The following ITIH1 variants were observed in gnomAD, a reference collection of about 807,000 sequenced individuals.
ITIH1 encodes the protein inter-alpha-trypsin inhibitor heavy chain 1.
ITIH1 carries 94 observed loss-of-function variants against 104.6 expected under a neutral mutation model. The observed-to-expected ratio is 0.90, with a 90% CI of 0.76 to 1.07. The LOEUF is 1.07. ITIH1 is among the 50% of genes least tolerant of loss of function. ITIH1 has a pLI of 0.00. For missense variants in ITIH1, 1,193 were observed against 1,181.4 expected (o/e 1.01, Z -0.14); for synonymous variants, 455 against 464.4 (o/e 0.98, Z 0.26).
intron 15 of ITIH1, 76 bp downstream of exon 15, chr3:52,787,278 T>C: frequency 6.3e-7 from 1 of 1,579,442 alleles, no homozygotes; most frequent in South Asian, 1.1e-5. Context: ...AGCCCCAGGC[T>C]CGCAGCTCCC....
At chr3:52,790,652 C>T (rs1238475162) in intron 19 of ITIH1, 97 bp from the exon 20 acceptor site, 5 of 1,214,676 alleles carry the variant, frequency 4.1e-6, no homozygotes, top group East Asian at 2.4e-5. Flanking sequence ...GGGGTGGGGG[C>T]GTGGTCATAA....
At position 52,791,819 on chromosome 3, in the gene ITIH1, G is replaced by A. The variant is rs1258980492; in HGVS notation, c.2644G>A (p.Gly882Arg). 6.2e-7 allele frequency: 1 copy of A among 1,614,174 alleles called. No homozygotes were observed. Among genetic ancestry groups the A allele is most frequent in the South Asian group, 1.1e-5 (1 of 91,080 alleles). ...QKDYSKDPWH[G>R]AEVSCWFIHN... Reference sequence around the variant, plus strand: ...AGACTACAGCAAGGACCCGTGGCATGGGGCCGAGGTGTCCTGCTGGTTCAT... The same window carrying A: ...AGACTACAGCAAGGACCCGTGGCATAGGGCCGAGGTGTCCTGCTGGTTCAT... The change falls in exon 22 of 22, where the codon GGG (glycine) becomes AGG (arginine). Residue 882 changes from glycine (G) to arginine (R), a missense_variant. Physicochemically the swap from Gly to Arg is moderately radical, Grantham distance 125. Transcript: ENST00000273283.
At position 52,782,155 on chromosome 3, in the gene ITIH1, C is replaced by A. The variant is rs760639279; in HGVS notation, c.818C>A (p.Ala273Asp). The A allele has an allele frequency of 6.8e-6, 11 of 1,614,090 alleles. No homozygotes were observed. Among genetic ancestry groups the A allele is most frequent in the Non-Finnish European group, 3.4e-6 (4 of 1,179,996 alleles). Residue 273 changes from alanine to aspartate, a missense_variant, in exon 8 of 22, where the codon GCC becomes GAC. By Grantham distance (126) the Ala-to-Asp change is moderately radical. Coordinates refer to ENST00000273283, the MANE Select transcript of ITIH1 (RefSeq NM_002215.4). ...SRDKICDLLV[A>D]NNHFAHFFAP... ...ACTCGTTCTCCTCTATTTCAGGTGG[C>A]CAATAACCACTTTGCCCACTTCTTT...
At position 52,787,986 on chromosome 3, in the gene ITIH1, C is replaced by T. The variant is rs1343004392; in HGVS notation, c.1925C>T (p.Thr642Met). 4 of 1,613,630 alleles carry T rather than the reference C, an allele frequency of 2.5e-6. No homozygotes were observed. Among genetic ancestry groups the T allele is most frequent in the Admixed American group, 1.7e-5 (1 of 59,974 alleles). ...PPLEMLGPRRTFVLSALQPSP... is the reference protein window; with the variant it reads ...PPLEMLGPRRMFVLSALQPSP... ...TAAATGCCACTCCCCCTCCCATCAG[C>T]GTTCGTGCTGTCAGCCTTGCAGCCT... The change falls in exon 17 of 22, where the codon ACG (threonine) becomes ATG (methionine). Residue 642 changes from threonine to methionine, a missense_variant and splice_region_variant. Thr to Met is a moderately conservative substitution (Grantham distance 81). Coordinates refer to ENST00000273283, the MANE Select transcript of ITIH1 (RefSeq NM_002215.4).
intron 11 of ITIH1, among the ~76,000 whole-genome samples, 187 bp downstream of exon 11, chr3:52,784,664 C>G (rs1048414656): frequency 6.6e-6 from 1 of 152,126 alleles, no homozygotes; most frequent in African/African-American, 2.4e-5. Context: ...GTGGGTGGAT[C>G]GGGAGTTCGA....
intron 12 of ITIH1, 34 bp from the exon 13 acceptor site, chr3:52,786,261 G>C: frequency 6.4e-7 from 1 of 1,554,166 alleles, no homozygotes. Flanking sequence ...TGCTTATCAT[G>C]GTGCACCACC....
chr3:52,786,088 A>T (rs1190595298), intron 12 of ITIH1, among the ~76,000 whole-genome samples: 3 of 152,118 alleles, frequency 2.0e-5, no homozygotes, highest in Non-Finnish European at 4.4e-5. Context: ...ATTCCATGGG[A>T]TCCCTAGGGT....
At chr3:52,784,902 G>A in intron 11 of ITIH1, 142 bp from the exon 12 acceptor site, 1 of 711,502 alleles carries the variant, frequency 1.4e-6, no homozygotes, top group Non-Finnish European at 2.3e-6. Flanking sequence ...TCAGCAGCAT[G>A]ACCTCGAGCC....
chr3:52,782,217 G>T lies in ITIH1; in HGVS notation c.880G>T (p.Val294Phe), dbSNP rs1396904992. ...QNLTNMNKNV[V>F]FVIDISGSMR... is the part of the protein sequence containing the mutation. The stretch of plus-strand genomic sequence containing the variant: ...CCTGACAAACATGAACAAGAACGTG[G>T]TTTTTGTGATTGACATCAGTGGCTC... Residue 294 changes from valine (V) to phenylalanine (F), a missense_variant, in exon 8 of 22, where the codon GTT (valine) becomes TTT (phenylalanine). By Grantham distance (50) the Val-to-Phe change is conservative (BLOSUM62 -1). Coordinates refer to ENST00000273283, the MANE Select transcript of ITIH1 (RefSeq NM_002215.4). 4 of 1,614,150 alleles carry T rather than the reference G, an allele frequency of 2.5e-6. No homozygotes were observed. The highest frequency in any genetic ancestry group is 4.5e-5 in the East Asian group (2 of 44,886).
chr3:52,784,513 T>C (rs1699149597), intron 11 of ITIH1, 36 bp downstream of exon 11: 1 of 1,597,810 alleles, frequency 6.3e-7, no homozygotes, highest in Non-Finnish European at 8.6e-7. Context: ...TCCAATGGCA[T>C]GCCATAGGGA....
At chr3:52,782,105 C>T (rs544513855) in intron 7 of ITIH1, 40 bp downstream of exon 7, 2 of 1,614,124 alleles carry the variant, frequency 1.2e-6, no homozygotes, top group Admixed American at 3.3e-5. Flanking sequence ...AGAGGATGGG[C>T]AAGGGGTGCT....
intron 5 of ITIH1, chr3:52,780,028 C>A: frequency 1.5e-6 from 2 of 1,322,766 alleles, no homozygotes; most frequent in Non-Finnish European, 2.0e-6. Flanking sequence ...GCCCTGTGAT[C>A]AGGGCTGGGT....
In ITIH1 at chr3:52,787,473, G is replaced by A. The variant is rs1484073848; in HGVS notation, c.1904-119G>A. ...TGTGAGGAGGCAGGACCCCAGGGGA[G>A]GGCTGAGACCCCCAGAGGGACGGCT... On this transcript the variant is annotated intron_variant, in intron 15 of 21. Coordinates refer to ENST00000273283, the MANE Select transcript of ITIH1 (RefSeq NM_002215.4). 7.2e-6 allele frequency: 9 copies of A among 1,246,500 alleles called. No individual in the cohort carries two copies. The East Asian group carries it at 2.1e-4, about 29-fold the overall frequency. 77.2% of individuals were successfully genotyped at this position (1,246,500 alleles called of 1,614,324 possible).
chr3:52,784,876 GA>G (rs5848960), intron 11 of ITIH1, among the ~76,000 whole-genome samples, 167 bp from the exon 12 acceptor site: 128 of 137,714 alleles, frequency 9.3e-4, no homozygotes, highest in East Asian at 3.0e-3. Context: ...CTCTGTCTCA[GA>G]AAAAAAAAAA....
chr3:52,789,971 C>T, intron 19 of ITIH1, 117 bp downstream of exon 19: 1 of 1,044,698 alleles, frequency 9.6e-7, no homozygotes, highest in Non-Finnish European at 1.4e-6. Flanking sequence ...CCCATGTGGC[C>T]TGTGCAGACA....
In ITIH1 at chr3:52,789,938, C is replaced by T. The variant is rs984940737; in HGVS notation, c.2321+84C>T. ...TGCTGAGTCTGCAGGGCCCTCGTCC[C>T]TGAGCCATGTCTGTGGGTGACACCC... On this transcript the variant is annotated intron_variant, in intron 19 of 21. Transcript: ENST00000273283. 128 of 1,390,748 alleles carry T rather than the reference C, an allele frequency of 9.2e-5. 2 individuals carry two copies. In the South Asian group the frequency reaches 1.2e-3, roughly 13 times the overall value. 86.2% of individuals were successfully genotyped at this position (1,390,748 alleles called of 1,614,324 possible).
Position 52,778,400 on chromosome 3 carries a change from G to T in ITIH1, c.199G>T (p.Ala67Ser). 6.2e-7 allele frequency: 1 copy of T among 1,614,184 alleles called. No individual in the cohort carries two copies. The change falls in exon 3 of 22, where the codon GCC becomes TCC. Residue 67 changes from alanine to serine, a missense_variant. Coordinates refer to ENST00000273283, the MANE Select transcript of ITIH1 (RefSeq NM_002215.4). Reference protein sequence around the residue: ...KVNCKVTSRFAHYVVTSQVVN... With the variant: ...KVNCKVTSRFSHYVVTSQVVN... ...CAACTGCAAAGTCACCTCTCGCTTCGCCCACTATGTTGTCACCAGCCAAGT... is the reference window on the plus strand; with the variant it reads ...CAACTGCAAAGTCACCTCTCGCTTCTCCCACTATGTTGTCACCAGCCAAGT...
At position 52,788,302 on chromosome 3, in the gene ITIH1, G is replaced by A; in HGVS notation, c.2076G>A (p.Glu692=). 1 of 1,610,962 alleles carries A rather than the reference G, an allele frequency of 6.2e-7. No homozygotes were observed. The highest frequency in any genetic ancestry group is 8.5e-7 in the Non-Finnish European group (1 of 1,178,674). The stretch of plus-strand genomic sequence containing the variant: ...ACACCCTGTGCTTCAACATCAATGA[G>A]GAGCCTGGTGTTATCCTGAGCCTGG... ...KEDTLCFNIN[E]EPGVILSLVQ... The change falls in exon 18 of 22, where the codon GAG becomes GAA. Residue 692 remains glutamate (E), a synonymous_variant. Transcript: ENST00000273283.
At chr3:52,791,728 A>C in intron 21 of ITIH1, 54 bp from the exon 22 acceptor site, 1 of 1,605,820 alleles carries the variant, frequency 6.2e-7, no homozygotes, top group South Asian at 1.1e-5. Flanking sequence ...CTTCCTGGGG[A>C]GGTGCTGCCC....
Sources: gnomAD v4.1 joint callset for allele counts (sites outside exome capture counted in the v4.1 genomes callset) on GRCh38, gnomAD v4.1.1 for gene constraint, MANE v1.5 for transcripts, NCBI Gene and HGNC (gene_info 2026-07-23, HGNC 2026-07-21) for gene names.